The following FGFR1 variants were observed in gnomAD, a reference collection of about 807,000 sequenced individuals.
The protein encoded by FGFR1 is fibroblast growth factor receptor 1, also known as FGFR1/PLAG1 fusion.
In FGFR1, 18 loss-of-function variants were observed where a neutral mutation model predicts 93.7. The ratio of observed to expected loss-of-function variants is 0.19; its 90% CI spans 0.13 to 0.28. The LOEUF (loss-of-function observed/expected upper bound fraction) is 0.28. FGFR1 is among the 10% of genes least tolerant of loss of function. FGFR1 has a pLI of 1.00. For missense variants in FGFR1, 731 were observed against 1,080.4 expected, an observed-to-expected ratio of 0.68 and a Z score of 4.53; for synonymous variants, 448 against 429.3, an observed-to-expected ratio of 1.04 and a Z score of -0.54.
At chr8:38,423,242 C>T (rs190596018) in intron 7 of FGFR1, 29 of 755,984 alleles carry the variant, frequency 3.8e-5, no homozygotes, top group Non-Finnish European at 5.4e-5. Flanking sequence ...ACGTTGCTCC[C>T]GTGTAACTTT....
chr8:38,440,754 C>T (rs1170047795), intron 2 of FGFR1, among the ~76,000 whole-genome samples: 4 of 152,050 alleles, frequency 2.6e-5, no homozygotes, highest in African/African-American at 4.8e-5. Flanking sequence ...ACAAAGGGGC[C>T]GGGGGACAAT....
Position 38,413,484 on chromosome 8 carries a change from AG to A in FGFR1, c.*143del, listed in dbSNP as rs1815063989. The A allele has an allele frequency of 1.2e-6, 1 of 816,326 alleles. No individual in the cohort carries two copies. The highest frequency in any genetic ancestry group is 2.7e-5 in the East Asian group (1 of 37,322). 50.6% of individuals were successfully genotyped at this position (816,326 alleles called of 1,614,324 possible). On this transcript the variant is annotated 3_prime_UTR_variant, in exon 18 of 18. Coordinates refer to ENST00000447712, the MANE Select transcript of FGFR1 (RefSeq NM_023110.3). This position sits in a 1 kb window ranked among gnomAD's most constrained non-coding sequence, Gnocchi z 4.2. Reference sequence around the variant, plus strand: ...GAGGTGAGCTGAGTGGGGTGAAGGCAGGCCACACAGGAAGGCCCCTGGTAGG... The same window carrying A: ...GAGGTGAGCTGAGTGGGGTGAAGGCAGCCACACAGGAAGGCCCCTGGTAGG...
chr8:38,442,778 T>C (rs538989772), intron 2 of FGFR1, among the ~76,000 whole-genome samples: 1 of 152,236 alleles, frequency 6.6e-6, no homozygotes, highest in African/African-American at 2.4e-5. Context: ...AACTTGCTGA[T>C]GAATTAGTAG....
At chr8:38,447,144 CACACACA>C (rs1563587393) in intron 2 of FGFR1, among the ~76,000 whole-genome samples, 328 of 140,042 alleles carry the variant, frequency 2.3e-3, no homozygotes, top group African/African-American at 7.7e-3. Flanking sequence ...CACACACACA[CACACACA>C]CCCCTGACAA....
intron 9 of FGFR1, 100 bp from the exon 10 acceptor site, chr8:38,418,473 T>C: frequency 1.5e-6 from 2 of 1,351,328 alleles, no homozygotes; most frequent in Non-Finnish European, 2.1e-6. Flanking sequence ...GAGGCACATG[T>C]CTGTGTATCT....
chr8:38,423,129 T>C (rs1407507127), intron 7 of FGFR1: 12 of 779,574 alleles, frequency 1.5e-5, no homozygotes, highest in South Asian at 6.7e-5. Flanking sequence ...CTCTGTCACA[T>C]TGAACAGGGT....
At chr8:38,443,184 T>C (rs768320347) in intron 2 of FGFR1, among the ~76,000 whole-genome samples, 1 of 152,064 alleles carries the variant, frequency 6.6e-6, no homozygotes, top group Non-Finnish European at 1.5e-5. Flanking sequence ...GTGAATAAAT[T>C]TTATGCTACA....
chr8:38,426,739 A>C lies in FGFR1; in HGVS notation c.622-494T>G, dbSNP rs1486609328. Among the ~76,000 whole-genome samples the C allele has an allele frequency of 1.3e-5, 2 of 152,134 alleles. No individual in the cohort carries two copies. Among genetic ancestry groups the C allele is most frequent in the Admixed American group, 1.3e-4 (2 of 15,262 alleles). On this transcript the variant is annotated intron_variant, in intron 5 of 17. Transcript: ENST00000447712. The surrounding 1 kb of genome is among the most constrained non-coding windows in gnomAD (Gnocchi z 4.1). ...ACATTTGCCTCCTATCAGACTGCAAAATTTTTATGGGCAGGAACGCTATCT... is the reference window on the plus strand; with the variant it reads ...ACATTTGCCTCCTATCAGACTGCAACATTTTTATGGGCAGGAACGCTATCT...
chr8:38,412,083 TTC>T lies in FGFR1; in HGVS notation c.*1543_*1544del, dbSNP rs1229560945. Reference sequence around the variant, plus strand: ...TTCATCATTTGTTTTCCTTTTTGTTTTCTCTGTTGCCCAGGCTGGAGTGCAAT... The same window carrying T: ...TTCATCATTTGTTTTCCTTTTTGTTTTCTGTTGCCCAGGCTGGAGTGCAAT... On this transcript the variant is annotated 3_prime_UTR_variant, in exon 18 of 18. Coordinates refer to ENST00000447712, the MANE Select transcript of FGFR1 (RefSeq NM_023110.3). 2 of 215,802 alleles carry T rather than the reference TTC, an allele frequency of 9.3e-6. No homozygotes were observed. Among genetic ancestry groups the T allele is most frequent in the African/African-American group, 4.5e-5 (2 of 44,412 alleles). The allele number at this position is 215,802 out of a possible 1,614,324, so 13.4% of individuals were successfully genotyped here.
In FGFR1 at chr8:38,413,266, C is replaced by T. The variant is rs992618132; in HGVS notation, c.*362G>A. On this transcript the variant is annotated 3_prime_UTR_variant, in exon 18 of 18. Coordinates refer to ENST00000447712, the MANE Select transcript of FGFR1 (RefSeq NM_023110.3). The surrounding 1 kb of genome is among the most constrained non-coding windows in gnomAD (Gnocchi z 4.2). ...GGCTTATGGGTGAAGGCAAAACAGA[C>T]CAAACCGACAGGAGAAAGCTCAGGA... 1.9e-5 allele frequency: 7 copies of T among 369,816 alleles called. No homozygotes were observed. The highest frequency in any genetic ancestry group is 3.5e-5 in the Non-Finnish European group (7 of 202,100). The allele number at this position is 369,816 out of a possible 1,614,324, so 22.9% of individuals were successfully genotyped here.
chr8:38,424,608 C>T lies in FGFR1; in HGVS notation c.837G>A (p.Val279=), dbSNP rs754116843. 1 of 1,614,258 alleles carries T rather than the reference C, an allele frequency of 6.2e-7. No homozygotes were observed. The highest frequency in any genetic ancestry group is 8.5e-7 in the Non-Finnish European group (1 of 1,180,050). ...GGATGTGCGGCTGCGGGTCACTGTA[C>T]ACCTTACACATGAACTCCACGTTGC... ...LGSNVEFMCK[V]YSDPQPHIQW... Residue 279 remains valine, a synonymous_variant, in exon 7 of 18, where the codon GTG becomes GTA. Transcript: ENST00000447712. The surrounding 1 kb of genome is among the most constrained non-coding windows in gnomAD (Gnocchi z 4.3).
chr8:38,440,755 G>A (rs1023335777), intron 2 of FGFR1, among the ~76,000 whole-genome samples: 67 of 152,198 alleles, frequency 4.4e-4, no homozygotes, highest in African/African-American at 1.2e-3. Context: ...CAAAGGGGCC[G>A]GGGGACAATG....
At chr8:38,459,310 C>A (rs998097386) in intron 1 of FGFR1, among the ~76,000 whole-genome samples, 4 of 152,192 alleles carry the variant, frequency 2.6e-5, no homozygotes, top group Non-Finnish European at 5.9e-5. Context: ...CCAGGCAGGG[C>A]CCCTCGCAAG....
chr8:38,419,704 C>T lies in FGFR1; in HGVS notation c.1113G>A (p.Ser371=), dbSNP rs763302356. ...ALEERPAVMT[S]PLYLEIIIYC... Reference sequence around the variant, plus strand: ...AGATGATGATCTCCAGGTACAGGGGCGAGGTCATCACTGCCGGCCTCTCTT... The same window carrying T: ...AGATGATGATCTCCAGGTACAGGGGTGAGGTCATCACTGCCGGCCTCTCTT... The change falls in exon 9 of 18, where the codon TCG becomes TCA. Residue 371 remains serine (S), a synonymous_variant. Transcript: ENST00000447712. The T allele has an allele frequency of 1.2e-5, 20 of 1,613,946 alleles. No individual in the cohort carries two copies. The highest frequency in any genetic ancestry group is 3.3e-4 in the Middle Eastern group (2 of 6,080).
At position 38,429,173 on chromosome 8, in the gene FGFR1, A is replaced by G; in HGVS notation, c.358+509T>C. On this transcript the variant is annotated intron_variant, in intron 3 of 17. Coordinates refer to ENST00000447712, the MANE Select transcript of FGFR1 (RefSeq NM_023110.3). The surrounding 1 kb of genome is among the most constrained non-coding windows in gnomAD (Gnocchi z 4.4). ...CTAGTTTTGTGAAAGTCACATTCTA[A>G]GAGTGGCAAGTTCCCAAGTTCACAG... is the stretch of plus-strand genomic sequence containing the variant. 7.8e-6 allele frequency: 3 copies of G among 385,906 alleles called. No individual in the cohort carries two copies. Among genetic ancestry groups the G allele is most frequent in the South Asian group, 3.8e-5 (2 of 52,280 alleles). 23.9% of individuals were successfully genotyped at this position (385,906 alleles called of 1,614,324 possible).
chr8:38,446,787 T>C (rs147282960), intron 2 of FGFR1, among the ~76,000 whole-genome samples: 57 of 152,318 alleles, frequency 3.7e-4, no homozygotes, highest in Non-Finnish European at 4.7e-4. Context: ...TTGATATGTT[T>C]ACTTCCATTC....
chr8:38,440,450 T>C, intron 2 of FGFR1: 1 of 1,226,702 alleles, frequency 8.2e-7, no homozygotes, highest in African/African-American at 1.5e-5. Flanking sequence ...GAAGGAGAGC[T>C]GCAAAAATGG....
At position 38,416,132 on chromosome 8, in the gene FGFR1, CCACCCCCAGCAGCA is replaced by C; in HGVS notation, c.1664-86_1664-73del. On this transcript the variant is annotated intron_variant, in intron 12 of 17. Transcript: ENST00000447712. Reference sequence around the variant, plus strand: ...GGTTTGGCTTCACCTCAAAGAAACCCCACCCCCAGCAGCACACCCCGGCCAACCTCCCATCTCCT... The same window carrying C: ...GGTTTGGCTTCACCTCAAAGAAACCCCACCCCGGCCAACCTCCCATCTCCT... 3 of 1,378,764 alleles carry C rather than the reference CCACCCCCAGCAGCA, an allele frequency of 2.2e-6. No homozygotes were observed. In the East Asian group the frequency reaches 7.3e-5, roughly 34 times the overall value. The allele number at this position is 1,378,764 out of a possible 1,614,324, so 85.4% of individuals were successfully genotyped here. A position where few individuals can be genotyped will look rare whatever the true frequency, so the allele number is the denominator to read the frequency against.
chr8:38,465,312 G>A (rs971016158), intron 1 of FGFR1: 1 of 232,568 alleles, frequency 4.3e-6, no homozygotes. Context: ...AAAATACCTC[G>A]AAAATGAGCA....
Sources: allele counts gnomAD v4.1 joint callset (sites outside exome capture counted in the v4.1 genomes callset), GRCh38; gene constraint gnomAD v4.1.1; non-coding constraint Gnocchi (gnomAD v3.1); transcripts MANE v1.5; gene names NCBI Gene and HGNC (gene_info 2026-07-23, HGNC 2026-07-21).